The following MDN1 variants were observed in gnomAD, a reference collection of about 807,000 sequenced individuals.
MDN1 encodes the protein midasin.
Under a neutral mutation model 669.2 loss-of-function variants are expected in MDN1, and 266 were observed. The observed-to-expected ratio is 0.40, with a 90% confidence interval of 0.36 to 0.44. The LOEUF is 0.44. Ranked by LOEUF, MDN1 falls within the 20% of genes least tolerant of loss-of-function variation. The pLI, the probability that MDN1 is intolerant of heterozygous loss-of-function variation, is 1.00. For synonymous variants in MDN1, 2,385 were observed against 2,457.1 expected (o/e 0.97, Z 0.87); for missense variants, 5,940 against 6,754.0 (o/e 0.88, Z 4.22).
At position 89,793,795 on chromosome 6, in the gene MDN1, C is replaced by T; in HGVS notation, c.822G>A (p.Val274=). Residue 274 remains valine, a synonymous_variant, in exon 5 of 102, where the codon GTG becomes GTA. Coordinates refer to ENST00000369393, the MANE Select transcript of MDN1 (RefSeq NM_014611.3). ...CAGGGGCTGGCAGCTGCCCAGGCAG[C>T]ACCACACCACAAACAGCTGTCACCC... is the stretch of plus-strand genomic sequence containing the variant. The part of the protein sequence containing the change: ...SPRVTAVCGV[V]LPGQLPAPGE... 2.5e-6 allele frequency: 4 copies of T among 1,614,084 alleles called. No individual in the cohort carries two copies. Among genetic ancestry groups the T allele is most frequent in the Non-Finnish European group, 3.4e-6 (4 of 1,179,964 alleles).
intron 32 of MDN1, among the ~76,000 whole-genome samples, chr6:89,739,566 C>T (rs1816177107): frequency 6.6e-6 from 1 of 152,162 alleles, no homozygotes; most frequent in South Asian, 2.1e-4. Flanking sequence ...TGACCTGTTA[C>T]ATCACTCTCT....
intron 99 of MDN1, 108 bp from the exon 100 acceptor site, chr6:89,646,711 C>T: frequency 3.2e-6 from 3 of 926,616 alleles, no homozygotes; most frequent in Non-Finnish European, 5.1e-6. Context: ...AGATAACCAC[C>T]TCAGGTTTAC....
At chr6:89,728,090 A>C in intron 36 of MDN1, 135 bp from the exon 37 acceptor site, 1 of 1,044,972 alleles carries the variant, frequency 9.6e-7, no homozygotes, top group East Asian at 2.6e-5. Flanking sequence ...AGATAGAACT[A>C]ACCAATCCCA....
chr6:89,758,449 C>G, intron 18 of MDN1, 98 bp from the exon 19 acceptor site: 1 of 974,646 alleles, frequency 1.0e-6, no homozygotes, highest in Non-Finnish European at 1.5e-6. Context: ...CTCACACCAT[C>G]CTTGTCTTTT....
chr6:89,773,890 G>A (rs1818228277), intron 13 of MDN1, among the ~76,000 whole-genome samples: 1 of 151,888 alleles, frequency 6.6e-6, no homozygotes, highest in Admixed American at 6.6e-5. Context: ...GCTTGAACCA[G>A]GCAGCTGGAG....
In MDN1 at chr6:89,743,155, G is replaced by A. The variant is rs1389469784; in HGVS notation, c.4443C>T (p.Leu1481=). 1.2e-6 allele frequency: 2 copies of A among 1,613,958 alleles called. No homozygotes were observed. Among genetic ancestry groups the A allele is most frequent in the East Asian group, 2.2e-5 (1 of 44,864 alleles). ...SLADDSVLER[L]NSVLEVEKSL... Reference sequence around the variant, plus strand: ...CAAACCTCTCAGGCACGTACCTGTTGAGTCTTTCCAAGACAGAGTCATCGG... The same window carrying A: ...CAAACCTCTCAGGCACGTACCTGTTAAGTCTTTCCAAGACAGAGTCATCGG... Residue 1481 remains leucine (L), a synonymous_variant, in exon 31 of 102, where the codon CTC becomes CTT. Coordinates refer to ENST00000369393, the MANE Select transcript of MDN1 (RefSeq NM_014611.3).
chr6:89,662,311 TAGAC>T, intron 86 of MDN1, 72 bp from the exon 87 acceptor site: 1 of 1,471,454 alleles, frequency 6.8e-7, no homozygotes, highest in Non-Finnish European at 9.1e-7. Flanking sequence ...GGTTGACTTT[TAGAC>T]ATGCATAATT....
At chr6:89,714,956 C>T (rs1329961186) in intron 45 of MDN1, among the ~76,000 whole-genome samples, 1 of 152,136 alleles carries the variant, frequency 6.6e-6, no homozygotes, top group Admixed American at 6.5e-5. Context: ...TATGATATAT[C>T]CAGTGTACCT....
At chr6:89,704,434 G>T (rs1813388542) in intron 53 of MDN1, among the ~76,000 whole-genome samples, 2 of 152,198 alleles carry the variant, frequency 1.3e-5, no homozygotes, top group Admixed American at 1.3e-4. Context: ...CGATTTTTCT[G>T]AAGAGATTTG....
Position 89,671,073 on chromosome 6 carries a change from C to T in MDN1, c.13802G>A (p.Ser4601Asn). Residue 4601 changes from serine to asparagine, a missense_variant, in exon 83 of 102, where the codon AGC becomes AAC. Around this residue, in one of 5 missense-constraint regions of MDN1, gnomAD observed 2,280 missense variants for 2,576.3 expected, o/e 0.88. Coordinates refer to ENST00000369393, the MANE Select transcript of MDN1 (RefSeq NM_014611.3). ...GCGCACCAGCAAGGAACAGGATTGG[C>T]TGAAGAACTGAGACCAAAACAAAAC... ...DGTAAKHLFF[S>N]QSCSLLVRLV... is the part of the protein sequence containing the mutation. 1 of 1,613,630 alleles carries T rather than the reference C, an allele frequency of 6.2e-7. No homozygotes were observed. Among genetic ancestry groups the T allele is most frequent in the Non-Finnish European group, 8.5e-7 (1 of 1,179,826 alleles).
rs973953851 is a variant in MDN1, at chr6:89,796,098, G to A, written c.330-1297C>T. ...CCAGCACTTTGGGAGGCTGAGGTAGGCAGATCACTTTAGGTAAGGAGTTCA... is the reference window on the plus strand; with the variant it reads ...CCAGCACTTTGGGAGGCTGAGGTAGACAGATCACTTTAGGTAAGGAGTTCA... On this transcript the variant is annotated intron_variant, in intron 2 of 101. Transcript: ENST00000369393. Among the ~76,000 whole-genome samples the A allele has an allele frequency of 3.3e-5, 5 of 151,996 alleles. No homozygotes were observed. The South Asian group carries it at 1.0e-3, about 32-fold the overall frequency.
chr6:89,662,474 T>C (rs115224916), intron 86 of MDN1, among the ~76,000 whole-genome samples: 472 of 152,242 alleles, frequency 3.1e-3, no homozygotes, highest in African/African-American at 0.011. Context: ...CCCTGGGCTG[T>C]TGCAGTGTTA....
At chr6:89,789,424 T>C (rs1032494956) in intron 7 of MDN1, among the ~76,000 whole-genome samples, 1 of 152,172 alleles carries the variant, frequency 6.6e-6, no homozygotes, top group Non-Finnish European at 1.5e-5. Flanking sequence ...GATCTCAAAG[T>C]TCTCAATGTA....
intron 43 of MDN1, among the ~76,000 whole-genome samples, 154 bp downstream of exon 43, chr6:89,718,211 TC>T (rs1814541469): frequency 1.3e-5 from 2 of 152,234 alleles, no homozygotes; most frequent in Admixed American, 1.3e-4. Flanking sequence ...ATACTTTACC[TC>T]AGCTTCATTT....
At position 89,695,878 on chromosome 6, in the gene MDN1, C is replaced by G; in HGVS notation, c.9498G>C (p.Leu3166=). 6.2e-7 allele frequency: 1 copy of G among 1,613,380 alleles called. No individual in the cohort carries two copies. Among genetic ancestry groups the G allele is most frequent in the African/African-American group, 1.3e-5 (1 of 75,062 alleles). ...GCTGGAAGGCCTGGCTGCTCCCAAG[C>G]AGCAGCTGCTCACAGTTCTGCATGT... ...QEYMQNCEQL[L]LGSSQAFQHV... The change falls in exon 61 of 102, where the codon CTG becomes CTC. Residue 3166 remains leucine, a synonymous_variant. Transcript: ENST00000369393. The surrounding 1 kb of genome is among the most constrained non-coding windows in gnomAD (Gnocchi z 4.1).
intron 1 of MDN1, chr6:89,814,820 C>T (rs1195979659): frequency 4.2e-6 from 2 of 474,710 alleles, no homozygotes; most frequent in Admixed American, 2.4e-5. Context: ...TCTGTGCAGA[C>T]AGTTCCAAAG....
chr6:89,745,157 A>G (rs1229944870), intron 29 of MDN1, 116 bp downstream of exon 29: 1 of 1,171,714 alleles, frequency 8.5e-7, no homozygotes, highest in African/African-American at 1.6e-5. Flanking sequence ...AAAAAAGAAA[A>G]AAGAGGAAGG....
intron 8 of MDN1, among the ~76,000 whole-genome samples, chr6:89,785,514 C>T (rs551040147): frequency 5.9e-5 from 9 of 152,270 alleles, no homozygotes; most frequent in African/African-American, 1.7e-4. Context: ...CCAGAAGCTA[C>T]AGTACTTGAA....
chr6:89,795,356 G>T (rs1430282140), intron 2 of MDN1, among the ~76,000 whole-genome samples: 1 of 152,078 alleles, frequency 6.6e-6, no homozygotes, highest in Non-Finnish European at 1.5e-5. Flanking sequence ...CTGAATCTGG[G>T]GAGAATCAAG....
Sources: gnomAD v4.1 joint callset for allele counts (sites outside exome capture counted in the v4.1 genomes callset) on GRCh38, gnomAD v4.1.1 for gene constraint, gnomAD v4.1.1 regional missense constraint, Gnocchi (gnomAD v3.1) non-coding constraint, MANE v1.5 for transcripts, NCBI Gene and HGNC (gene_info 2026-07-23, HGNC 2026-07-21) for gene names.